The following PLCL1 variants were observed in gnomAD, a reference collection of about 807,000 sequenced individuals.
PLCL1 encodes phospholipase C like 1 (inactive).
In PLCL1, 41 loss-of-function variants were observed where a neutral mutation model predicts 84.4. That is an observed-to-expected ratio of 0.49 (90% CI 0.38 to 0.63). PLCL1 has a LOEUF of 0.63. Among genes scored for constraint, PLCL1 ranks in the 30% least tolerant of loss-of-function variants. The pLI, the probability that PLCL1 is intolerant of heterozygous loss-of-function variation, is 0.00. For missense variants in PLCL1, 1,206 were observed against 1,367.8 expected (o/e 0.88, Z 1.87); for synonymous variants, 490 against 488.3 (o/e 1.00, Z -0.05).
chr2:198,101,146 T>C, intron 3 of PLCL1, 139 bp from the exon 4 acceptor site: 1 of 656,588 alleles, frequency 1.5e-6, no homozygotes, highest in East Asian at 2.6e-5. Context: ...GAGCTTATCC[T>C]TCTCCCTCCC....
At position 198,085,996 on chromosome 2, in the gene PLCL1, C is replaced by T. The variant is rs763859785; in HGVS notation, c.2479C>T (p.Pro827Ser). Residue 827 changes from proline to serine, a missense_variant, in exon 2 of 6, where the codon CCC becomes TCC. Pro to Ser is a moderately conservative substitution (Grantham distance 74, BLOSUM62 -1). Transcript: ENST00000428675. This position sits in a 1 kb window ranked among gnomAD's most constrained non-coding sequence, Gnocchi z 5.3. ...ECLQPGYRHV[P>S]LRSFVGDIME... ...TTTGCAGCCTGGATATCGGCATGTT[C>T]CCCTGCGTTCTTTTGTGGGTGACAT... 1.2e-6 allele frequency: 2 copies of T among 1,613,874 alleles called. No homozygotes were observed. The highest frequency in any genetic ancestry group is 2.2e-5 in the South Asian group (2 of 91,068).
At chr2:197,832,346 A>C in intron 1 of PLCL1, among the ~76,000 whole-genome samples, 1 of 152,260 alleles carries the variant, frequency 6.6e-6, no homozygotes, top group East Asian at 1.9e-4. Context: ...CCACAGAAAT[A>C]CGAACTACCA....
intron 1 of PLCL1, among the ~76,000 whole-genome samples, chr2:197,826,530 A>T (rs1375207298): frequency 6.6e-6 from 1 of 152,164 alleles, no homozygotes; most frequent in East Asian, 1.9e-4. Context: ...AGGCCATTGA[A>T]ATTTAACTCT....
chr2:198,035,405 A>C (rs988764559), intron 1 of PLCL1, among the ~76,000 whole-genome samples: 1 of 152,242 alleles, frequency 6.6e-6, no homozygotes, highest in Non-Finnish European at 1.5e-5. Context: ...ACCAACAAAA[A>C]TCAACCAAGT....
chr2:198,083,742 T>C lies in PLCL1; in HGVS notation c.241-16T>C, dbSNP rs1692779234. 6.5e-7 allele frequency: 1 copy of C among 1,528,500 alleles called. No homozygotes were observed. The highest frequency in any genetic ancestry group is 8.8e-7 in the Non-Finnish European group (1 of 1,134,026). 94.7% of individuals were successfully genotyped at this position (1,528,500 alleles called of 1,614,324 possible). A position where few individuals can be genotyped will look rare whatever the true frequency, so the allele number is the denominator to read the frequency against. Reference sequence around the variant, plus strand: ...TCTAAAGGAAATTGATTCATTTTTTTCAAATTATTTTACAGGATCCTTCAA... The same window carrying C: ...TCTAAAGGAAATTGATTCATTTTTTCCAAATTATTTTACAGGATCCTTCAA... On this transcript the variant is annotated splice_polypyrimidine_tract_variant and intron_variant, in intron 1 of 5. Coordinates refer to ENST00000428675, the MANE Select transcript of PLCL1 (RefSeq NM_006226.4).
rs1452397188 is a variant in PLCL1 at position 198,085,522 on chromosome 2, A to G, written c.2005A>G (p.Met669Val). ...GAATTGTGGCTGTCAGATTGTAGCA[A>G]TGAATTTTCAGACTCCGGGTCCAAT... ...FWNCGCQIVA[M>V]NFQTPGPMMD... is the part of the protein sequence containing the mutation. Residue 669 changes from methionine to valine, a missense_variant, in exon 2 of 6, where the codon ATG becomes GTG. Transcript: ENST00000428675. The surrounding 1 kb of genome is among the most constrained non-coding windows in gnomAD (Gnocchi z 5.3). 3 of 1,614,050 alleles carry G rather than the reference A, an allele frequency of 1.9e-6. No homozygotes were observed. The highest frequency in any genetic ancestry group is 1.7e-6 in the Non-Finnish European group (2 of 1,179,904).
chr2:197,914,703 C>T (rs375259802), intron 1 of PLCL1, among the ~76,000 whole-genome samples: 8 of 152,130 alleles, frequency 5.3e-5, no homozygotes, highest in South Asian at 4.1e-4. Context: ...AGTCCTGTGT[C>T]GCAGGGTGAT....
At chr2:198,105,200 C>T (rs1405448180) in intron 5 of PLCL1, among the ~76,000 whole-genome samples, 1 of 151,772 alleles carries the variant, frequency 6.6e-6, no homozygotes, top group Non-Finnish European at 1.5e-5. Context: ...GTATATGGTA[C>T]AAGGAAGAGG....
At chr2:198,115,775 T>G (rs1693730572) in intron 5 of PLCL1, among the ~76,000 whole-genome samples, 1 of 151,632 alleles carries the variant, frequency 6.6e-6, no homozygotes, top group African/African-American at 2.4e-5. Flanking sequence ...ACTTATTCAC[T>G]ACCACTAGAA....
intron 1 of PLCL1, among the ~76,000 whole-genome samples, chr2:197,861,843 GT>G: frequency 6.6e-6 from 1 of 152,206 alleles, no homozygotes; most frequent in Non-Finnish European, 1.5e-5. Flanking sequence ...AACTGACTTT[GT>G]TTTTTTCCTA....
At chr2:198,064,041 A>G (rs1329807299) in intron 1 of PLCL1, among the ~76,000 whole-genome samples, 1 of 152,216 alleles carries the variant, frequency 6.6e-6, no homozygotes, top group Non-Finnish European at 1.5e-5. Flanking sequence ...TGGGATTTCT[A>G]CAAACTTTTA....
chr2:198,129,347 A>T (rs1267254085), intron 5 of PLCL1, among the ~76,000 whole-genome samples: 1 of 152,126 alleles, frequency 6.6e-6, no homozygotes, highest in African/African-American at 2.4e-5. Context: ...GTCTCCAACA[A>T]CACCCCTTAT....
At chr2:197,925,340 G>C (rs375453583) in intron 1 of PLCL1, among the ~76,000 whole-genome samples, 5 of 152,172 alleles carry the variant, frequency 3.3e-5, no homozygotes, top group Admixed American at 1.3e-4. Flanking sequence ...TGAATTTTGA[G>C]TGGGGTGTTT....
intron 1 of PLCL1, among the ~76,000 whole-genome samples, chr2:198,008,709 A>T (rs558200567): frequency 1.3e-5 from 2 of 152,064 alleles, no homozygotes; most frequent in Non-Finnish European, 2.9e-5. Flanking sequence ...ATTCTTTTGG[A>T]TATATACCCA....
chr2:197,927,181 G>A (rs1399359974), intron 1 of PLCL1, among the ~76,000 whole-genome samples: 1 of 152,112 alleles, frequency 6.6e-6, no homozygotes, highest in Non-Finnish European at 1.5e-5. Flanking sequence ...AAGAATTTGT[G>A]GCCATCTTTT....
At chr2:197,865,906 A>G (rs1687520481) in intron 1 of PLCL1, among the ~76,000 whole-genome samples, 1 of 148,646 alleles carries the variant, frequency 6.7e-6, no homozygotes, top group Non-Finnish European at 1.5e-5. Flanking sequence ...CCAGCTACTC[A>G]GGAGGCTGAG....
intron 1 of PLCL1, among the ~76,000 whole-genome samples, chr2:198,058,975 A>T (rs1236418481): frequency 6.6e-6 from 1 of 152,202 alleles, no homozygotes; most frequent in Admixed American, 6.5e-5. Context: ...TCCTGAGTAC[A>T]TCTTACTGTG....
At chr2:197,972,135 T>C (rs1324187965) in intron 1 of PLCL1, among the ~76,000 whole-genome samples, 1 of 152,166 alleles carries the variant, frequency 6.6e-6, no homozygotes, top group Non-Finnish European at 1.5e-5. Context: ...TCTTCAGAAA[T>C]AAAAAATGCT....
At chr2:197,893,255 C>A (rs984330543) in intron 1 of PLCL1, among the ~76,000 whole-genome samples, 1 of 152,106 alleles carries the variant, frequency 6.6e-6, no homozygotes, top group African/African-American at 2.4e-5. Flanking sequence ...TAGATTTGAA[C>A]CTTTTTGCTT....
Sources: allele counts gnomAD v4.1 joint callset (sites outside exome capture counted in the v4.1 genomes callset), GRCh38; gene constraint gnomAD v4.1.1; non-coding constraint Gnocchi (gnomAD v3.1); transcripts MANE v1.5; gene names NCBI Gene and HGNC (gene_info 2026-07-23, HGNC 2026-07-21).